Variants in ZMYM5 observed in about 807,000 individuals in gnomAD.
ZMYM5 encodes the protein zinc finger MYM-type protein 5.
ZMYM5 carries 41 observed loss-of-function variants against 61.8 expected under a neutral mutation model. The observed-to-expected ratio is 0.66, with a 90% CI of 0.52 to 0.86. The LOEUF (loss-of-function observed/expected upper bound fraction) is 0.86, where lower values mean the gene tolerates loss of function less well. ZMYM5 is among the 40% of genes least tolerant of loss of function. The pLI, the probability that ZMYM5 is intolerant of heterozygous loss-of-function variation, is 0.00. For synonymous variants in ZMYM5, 257 were observed against 276.4 expected (o/e 0.93, Z 0.70); for missense variants, 706 against 786.7 (o/e 0.90, Z 1.23).
At chr13:19,829,666 T>C (rs988397590) in intron 7 of ZMYM5, among the ~76,000 whole-genome samples, 3 of 152,142 alleles carry the variant, frequency 2.0e-5, no homozygotes, top group African/African-American at 7.2e-5. Context: ...ATGATCCTAG[T>C]GCACTGTAGC....
chr13:19,844,479 G>A (rs952100320), intron 4 of ZMYM5, among the ~76,000 whole-genome samples: 1 of 152,198 alleles, frequency 6.6e-6, no homozygotes, highest in African/African-American at 2.4e-5. Context: ...ATGGGTGACA[G>A]ATGTGAATTT....
Position 19,839,940 on chromosome 13 carries a change from G to A in ZMYM5, c.587-955C>T, listed in dbSNP as rs148424379. 2.9e-3 allele frequency among the ~76,000 whole-genome samples: 435 copies of A among 152,184 alleles called. 14 individuals carry two copies. In the East Asian group the frequency reaches 0.07, roughly 25 times the overall value. On this transcript the variant is annotated intron_variant, in intron 4 of 7. Coordinates refer to ENST00000337963, the MANE Select transcript of ZMYM5 (RefSeq NM_001142684.2). The stretch of plus-strand genomic sequence containing the variant: ...CATAAATTACTGTTAGCTTCAAAAG[G>A]TACAGTATTACTTATAGGCGAGATC...
chr13:19,857,043 T>G (rs1489463040), intron 2 of ZMYM5, among the ~76,000 whole-genome samples: 2 of 152,098 alleles, frequency 1.3e-5, no homozygotes, highest in African/African-American at 2.4e-5. Context: ...GAGGCGGAGC[T>G]TGCAGTGAGC....
chr13:19,837,543 T>A, intron 6 of ZMYM5, 113 bp downstream of exon 6: 14 of 1,605,040 alleles, frequency 8.7e-6, no homozygotes, highest in Non-Finnish European at 1.1e-5. Flanking sequence ...TTCAGCTTCA[T>A]GTTATACATC....
At position 19,824,306 on chromosome 13, in the gene ZMYM5, G is replaced by C. The variant is rs1269047768; in HGVS notation, c.*171C>G. ...TTGAATCTAATTAGTTTTAGATTTA[G>C]AATGGAAACATTCTTTGCTATTTAT... On this transcript the variant is annotated 3_prime_UTR_variant, in exon 8 of 8. Transcript: ENST00000337963. The C allele has an allele frequency of 2.8e-6, 1 of 354,962 alleles. No homozygotes were observed. Among genetic ancestry groups the C allele is most frequent in the African/African-American group, 2.2e-5 (1 of 45,020 alleles). The allele number at this position is 354,962 out of a possible 1,614,324, so 22.0% of individuals were successfully genotyped here. A position where few individuals can be genotyped will look rare whatever the true frequency, so the allele number is the denominator to read the frequency against.
intron 7 of ZMYM5, among the ~76,000 whole-genome samples, chr13:19,833,701 T>G (rs575103714): frequency 1.3e-5 from 2 of 152,274 alleles, no homozygotes; most frequent in African/African-American, 4.8e-5. Context: ...TGGGCAAAGA[T>G]TCCTTAAATA....
At chr13:19,826,143 T>C (rs1179206612) in intron 7 of ZMYM5, among the ~76,000 whole-genome samples, 1 of 150,682 alleles carries the variant, frequency 6.6e-6, no homozygotes, top group Non-Finnish European at 1.5e-5. Flanking sequence ...TAAAGTGGTG[T>C]AGCCACTTTT....
At chr13:19,835,137 C>T (rs1952635156) in intron 7 of ZMYM5, among the ~76,000 whole-genome samples, 1 of 151,994 alleles carries the variant, frequency 6.6e-6, no homozygotes. Flanking sequence ...ACTACAGGCA[C>T]ATGCCATCAT....
Position 19,847,999 on chromosome 13 carries a change from A to C in ZMYM5, c.586+3356T>G, listed in dbSNP as rs371570308. Among the ~76,000 whole-genome samples, 193 of 142,266 alleles carry C rather than the reference A, an allele frequency of 1.4e-3. 1 individual carries two copies. The highest frequency in any genetic ancestry group is 4.8e-3 in the African/African-American group (182 of 38,240). The allele number at this position is 142,266 out of a possible 152,430, so 93.3% of individuals were successfully genotyped here. ...TTTTATCTTATTTTTTGAAACAAAA[A>C]AATTTCTGTCGCCCAGGCTGGAGTG... On this transcript the variant is annotated intron_variant, in intron 4 of 7. Transcript: ENST00000337963.
intron 3 of ZMYM5, 107 bp downstream of exon 3, chr13:19,851,582 C>T: frequency 1.3e-6 from 2 of 1,543,896 alleles, no homozygotes; most frequent in South Asian, 2.5e-5. Flanking sequence ...CACATCTTGC[C>T]CAGCATTCAC....
intron 2 of ZMYM5, among the ~76,000 whole-genome samples, chr13:19,856,017 C>G (rs1456912966): frequency 6.8e-6 from 1 of 146,086 alleles, no homozygotes; most frequent in Non-Finnish European, 1.5e-5. Context: ...GATTCCATCT[C>G]AAAAACAAAA....
chr13:19,825,123 T>A lies in ZMYM5; in HGVS notation c.1364A>T (p.Lys455Ile), dbSNP rs561362124. 2.2e-6 allele frequency: 3 copies of A among 1,362,754 alleles called. No homozygotes were observed. Among genetic ancestry groups the A allele is most frequent in the South Asian group, 1.1e-5 (1 of 87,076 alleles). 84.4% of individuals were successfully genotyped at this position (1,362,754 alleles called of 1,614,324 possible). Residue 455 changes from lysine to isoleucine, a missense_variant, in exon 8 of 8, where the codon AAA (lysine) becomes ATA (isoleucine). Lys to Ile is a moderately radical substitution (Grantham distance 102, BLOSUM62 -3). Transcript: ENST00000337963. ...LYGSSNTLLKKIEGIPEKKEK... is the reference protein window; with the variant it reads ...LYGSSNTLLKIIEGIPEKKEK... ...CTTTTTTTCTGGGATTCCCTCTATT[T>A]TTTTCAAAAGTGTATTTGACGATCC...
At chr13:19,859,551 T>C (rs1435695549) in intron 2 of ZMYM5, among the ~76,000 whole-genome samples, 3 of 151,712 alleles carry the variant, frequency 2.0e-5, no homozygotes, top group African/African-American at 7.3e-5. Flanking sequence ...TACAGGCACC[T>C]GCCACCATGC....
chr13:19,854,267 C>G (rs1350405221), intron 2 of ZMYM5, among the ~76,000 whole-genome samples: 6 of 152,160 alleles, frequency 3.9e-5, no homozygotes, highest in African/African-American at 1.4e-4. Context: ...CTCGGCCTCC[C>G]AAAGTGCTGG....
intron 3 of ZMYM5, 81 bp downstream of exon 3, chr13:19,851,608 T>C: frequency 6.5e-7 from 1 of 1,549,320 alleles, no homozygotes; most frequent in Non-Finnish European, 8.7e-7. Flanking sequence ...TTATACCTGT[T>C]TCTAAGGTTG....
At chr13:19,843,863 G>A (rs1358424295) in intron 4 of ZMYM5, among the ~76,000 whole-genome samples, 6 of 149,596 alleles carry the variant, frequency 4.0e-5, no homozygotes, top group East Asian at 3.9e-4. Context: ...GGCCAGGTGC[G>A]GTGGCTCACG....
In ZMYM5 at chr13:19,856,455, A is replaced by C. The variant is rs532813661; in HGVS notation, c.-10-4265T>G. Among the ~76,000 whole-genome samples the C allele has an allele frequency of 3.3e-5, 5 of 151,998 alleles. No homozygotes were observed. The South Asian group carries it at 6.2e-4, about 19-fold the overall frequency. On this transcript the variant is annotated intron_variant, in intron 2 of 7. Transcript: ENST00000337963. ...TGGGAGTTCGAGACCAGCCTGACCA[A>C]CATGGAGAAACCCCACCTCTACTAA...
At chr13:19,830,413 T>C (rs976885254) in intron 7 of ZMYM5, among the ~76,000 whole-genome samples, 3 of 152,316 alleles carry the variant, frequency 2.0e-5, no homozygotes, top group African/African-American at 7.2e-5. Flanking sequence ...CTTACTCCGT[T>C]GCTCAGGTTG....
chr13:19,855,552 G>T (rs573665520), intron 2 of ZMYM5, among the ~76,000 whole-genome samples: 32 of 151,712 alleles, frequency 2.1e-4, no homozygotes, highest in Admixed American at 2.0e-3. Context: ...ATGAGCCACC[G>T]CGCCCGGCCC....
Sources: allele counts gnomAD v4.1 joint callset (sites outside exome capture counted in the v4.1 genomes callset), GRCh38; gene constraint gnomAD v4.1.1; transcripts MANE v1.5; gene names NCBI Gene and HGNC (gene_info 2026-07-23, HGNC 2026-07-21).